The following HTR4 variants were observed in gnomAD, a reference collection of about 807,000 sequenced individuals.
HTR4 encodes 5-hydroxytryptamine (serotonin) receptor 4, G protein-coupled.
In HTR4, 16 loss-of-function variants were observed where a neutral mutation model predicts 36.8. That is an observed-to-expected ratio of 0.43 (90% CI 0.29 to 0.66). HTR4 has a LOEUF of 0.66. Among genes scored for constraint, HTR4 ranks in the 30% least tolerant of loss-of-function variants. The pLI is 0.13. For synonymous variants in HTR4, 189 were observed against 185.1 expected (o/e 1.02, Z -0.17); for missense variants, 438 against 490.9 (o/e 0.89, Z 1.02).
intron 6 of HTR4, among the ~76,000 whole-genome samples, chr5:148,491,252 T>C (rs1457875065): frequency 6.6e-6 from 1 of 152,104 alleles, no homozygotes; most frequent in Non-Finnish European, 1.5e-5. Context: ...TTACTGCCGG[T>C]ACTCTAACCA....
In HTR4 at chr5:148,612,744, G is replaced by A. The variant is rs1752490363; in HGVS notation, c.26+24245C>T. On this transcript the variant is annotated intron_variant, in intron 2 of 6. Transcript: ENST00000377888. Reference sequence around the variant, plus strand: ...CAAAAAATTAATGAATCCAGGAGCTGGTTTTTTGAAAGGATCAACAAAATT... The same window carrying A: ...CAAAAAATTAATGAATCCAGGAGCTAGTTTTTTGAAAGGATCAACAAAATT... Among the ~76,000 whole-genome samples the A allele has an allele frequency of 3.4e-5, 5 of 146,100 alleles. No individual in the cohort carries two copies. The South Asian group carries it at 1.1e-3, about 33-fold the overall frequency.
At chr5:148,454,663 A>G (rs999027723) in intron 5 of HTR4, among the ~76,000 whole-genome samples, 1 of 152,202 alleles carries the variant, frequency 6.6e-6, no homozygotes, top group African/African-American at 2.4e-5. Flanking sequence ...TATGCGTACT[A>G]AAGCAACACC....
At chr5:148,508,087 C>T (rs1757309250) in intron 6 of HTR4, among the ~76,000 whole-genome samples, 1 of 152,176 alleles carries the variant, frequency 6.6e-6, no homozygotes, top group Admixed American at 6.5e-5. Flanking sequence ...ATGCTCTGAG[C>T]AGCCTCTGAG....
chr5:148,463,695 G>GTT (rs201482578), intron 5 of HTR4, among the ~76,000 whole-genome samples: 1 of 147,890 alleles, frequency 6.8e-6, no homozygotes, highest in African/African-American at 2.5e-5. Context: ...TCTCAGTGAG[G>GTT]TTTTTTTTTT....
At chr5:148,475,641 C>G (rs1755677475), downstream of HTR4, among the ~76,000 whole-genome samples, 1 of 152,210 alleles carries the variant, frequency 6.6e-6, no homozygotes, top group African/African-American at 2.4e-5. Context: ...ACAACTGGCA[C>G]AGAAACAATC....
At chr5:148,454,021 G>A (rs1755038050) in intron 5 of HTR4, among the ~76,000 whole-genome samples, 1 of 152,156 alleles carries the variant, frequency 6.6e-6, no homozygotes, top group South Asian at 2.1e-4. Flanking sequence ...ACTTTTCTCA[G>A]GCCCTGTCAT....
intron 5 of HTR4, among the ~76,000 whole-genome samples, chr5:148,457,283 A>C (rs954133423): frequency 2.6e-5 from 4 of 152,106 alleles, no homozygotes; most frequent in African/African-American, 9.7e-5. Context: ...CTAATTAAAA[A>C]ACACTGCTGT....
At chr5:148,565,940 G>T (rs1760417934) in intron 2 of HTR4, among the ~76,000 whole-genome samples, 1 of 152,136 alleles carries the variant, frequency 6.6e-6, no homozygotes, top group Admixed American at 6.5e-5. Flanking sequence ...TGCAGTACTT[G>T]TCAATGCATA....
intron 1 of HTR4, among the ~76,000 whole-genome samples, chr5:148,651,918 C>A (rs1010851159): frequency 6.6e-6 from 1 of 151,846 alleles, no homozygotes; most frequent in African/African-American, 2.4e-5. Flanking sequence ...TTGAAAGAAC[C>A]CTTGGAAATG....
chr5:148,568,163 A>G (rs1257588253), intron 2 of HTR4, among the ~76,000 whole-genome samples: 2 of 152,172 alleles, frequency 1.3e-5, no homozygotes, highest in Non-Finnish European at 1.5e-5. Flanking sequence ...AATAGAGACC[A>G]TAAGTCTGTC....
At chr5:148,649,336 T>C (rs1753964971) in intron 1 of HTR4, among the ~76,000 whole-genome samples, 1 of 152,044 alleles carries the variant, frequency 6.6e-6, no homozygotes, top group East Asian at 1.9e-4. Context: ...TGAAATTTGG[T>C]TTTAAAAGAA....
In HTR4 at chr5:148,519,862, G is replaced by A. The variant is rs769787826; in HGVS notation, c.507+3331C>T. On this transcript the variant is annotated intron_variant, in intron 5 of 6. Transcript: ENST00000377888. ...TGGACCCTAAGTGTACTGCTGAAGT[G>A]CTGTCTGGTGTTTGTAATTGCAAGA... Among the ~76,000 whole-genome samples, 13 of 152,138 alleles carry A rather than the reference G, an allele frequency of 8.5e-5. 1 individual carries two copies. The highest frequency in any genetic ancestry group is 5.9e-5 in the Non-Finnish European group (4 of 68,024).
At chr5:148,457,674 T>A (rs1293921122) in intron 5 of HTR4, among the ~76,000 whole-genome samples, 2 of 145,402 alleles carry the variant, frequency 1.4e-5, no homozygotes, top group African/African-American at 5.0e-5. Context: ...TATTTTAATA[T>A]ATCATTAAAA....
downstream of HTR4, among the ~76,000 whole-genome samples, chr5:148,478,308 A>T (rs994850397): frequency 1.3e-5 from 2 of 151,208 alleles, no homozygotes; most frequent in African/African-American, 2.4e-5. Context: ...TAAAGAAATC[A>T]AGAAAGAGGA....
At chr5:148,555,607 T>C (rs561128225) in intron 2 of HTR4, among the ~76,000 whole-genome samples, 5 of 152,324 alleles carry the variant, frequency 3.3e-5, no homozygotes, top group South Asian at 2.1e-4. Context: ...AGCAATCCTG[T>C]CAACCACAAC....
At chr5:148,630,793 T>C (rs1464131158) in intron 2 of HTR4, among the ~76,000 whole-genome samples, 1 of 152,176 alleles carries the variant, frequency 6.6e-6, no homozygotes, top group Non-Finnish European at 1.5e-5. Flanking sequence ...TTCTGAAGAT[T>C]ACCTGTAATC....
intron 4 of HTR4, among the ~76,000 whole-genome samples, chr5:148,525,727 C>A (rs1013837838): frequency 3.3e-5 from 5 of 152,182 alleles, no homozygotes; most frequent in African/African-American, 1.2e-4. Flanking sequence ...CCAATAAATT[C>A]TCTTTTTGCT....
chr5:148,608,632 A>G (rs1346371426), intron 2 of HTR4, among the ~76,000 whole-genome samples: 5 of 152,368 alleles, frequency 3.3e-5, no homozygotes, highest in Non-Finnish European at 5.9e-5. Flanking sequence ...ATGGGGAACT[A>G]CTGAAGGCTT....
rs35663725 is a variant in HTR4 at position 148,560,196 on chromosome 5, CTT to C, written c.27-9936_27-9935del. ...TTTCTTTTTTCTTTTTTACGGAAAGCTTTTTTTTTAAAAAAAAAAAAAAAAAA... is the reference window on the plus strand; with the variant it reads ...TTTCTTTTTTCTTTTTTACGGAAAGCTTTTTTTAAAAAAAAAAAAAAAAAA... On this transcript the variant is annotated intron_variant, in intron 2 of 6. Coordinates refer to ENST00000377888, the MANE Select transcript of HTR4 (RefSeq NM_000870.7). Among the ~76,000 whole-genome samples the C allele has an allele frequency of 3.7e-3, 472 of 128,102 alleles. 5 individuals carry two copies. The highest frequency in any genetic ancestry group is 0.02 in the East Asian group (90 of 4,458). 84.0% of individuals were successfully genotyped at this position (128,102 alleles called of 152,430 possible). A position where few individuals can be genotyped will look rare whatever the true frequency, so the allele number is the denominator to read the frequency against.
Sources: gnomAD v4.1 joint callset for allele counts (sites outside exome capture counted in the v4.1 genomes callset) on GRCh38, gnomAD v4.1.1 for gene constraint, MANE v1.5 for transcripts, NCBI Gene and HGNC (gene_info 2026-07-23, HGNC 2026-07-21) for gene names.